Variants in MAP2 observed in about 807,000 individuals in gnomAD.
MAP2 encodes microtubule-associated protein 2.
MAP2 carries 14 observed loss-of-function variants against 137.6 expected under a neutral mutation model. The ratio of observed to expected loss-of-function variants is 0.10; its 90% CI spans 0.07 to 0.16. The LOEUF (loss-of-function observed/expected upper bound fraction) is 0.16, where lower values mean the gene tolerates loss of function less well. Among genes scored for constraint, MAP2 ranks in the 10% least tolerant of loss-of-function variants. The pLI, the probability that MAP2 is intolerant of heterozygous loss-of-function variation, is 1.00. For missense variants in MAP2, 2,088 were observed against 2,191.5 expected (o/e 0.95, Z 0.94); for synonymous variants, 786 against 782.3 (o/e 1.00, Z -0.08).
chr2:209,592,787 A>G (rs918873927), intron 3 of MAP2, among the ~76,000 whole-genome samples: 4 of 152,020 alleles, frequency 2.6e-5, no homozygotes, highest in African/African-American at 9.7e-5. Flanking sequence ...CAATCAGACT[A>G]TTTTTAATGA....
chr2:209,726,796 T>A (rs1559678180), intron 14 of MAP2, among the ~76,000 whole-genome samples: 2 of 152,144 alleles, frequency 1.3e-5, no homozygotes, highest in African/African-American at 4.8e-5. Context: ...AGATATGTAA[T>A]AAAAGATGAC....
At chr2:209,525,441 GA>G in intron 2 of MAP2, among the ~76,000 whole-genome samples, 1 of 152,228 alleles carries the variant, frequency 6.6e-6, no homozygotes, top group East Asian at 1.9e-4. Flanking sequence ...ATTTTCATGT[GA>G]AAAATTTTCC....
intron 7 of MAP2, among the ~76,000 whole-genome samples, chr2:209,689,863 G>A (rs1288752636): frequency 6.6e-6 from 1 of 152,072 alleles, no homozygotes; most frequent in East Asian, 1.9e-4. Context: ...ATTTAACCTT[G>A]ACCTTGTTTT....
intron 2 of MAP2, among the ~76,000 whole-genome samples, chr2:209,544,155 C>A (rs1179207210): frequency 6.6e-6 from 1 of 151,874 alleles, no homozygotes; most frequent in Non-Finnish European, 1.5e-5. Context: ...ATGGCGTGAA[C>A]CTGGGAGGTG....
At chr2:209,652,028 A>G (rs1029316005) in intron 4 of MAP2, among the ~76,000 whole-genome samples, 2 of 152,180 alleles carry the variant, frequency 1.3e-5, no homozygotes, top group Non-Finnish European at 2.9e-5. Flanking sequence ...CTTAGTTTCC[A>G]TCAAAGACAG....
In MAP2 at chr2:209,479,850, C is replaced by T. The variant is rs180732222; in HGVS notation, c.-221-27742C>T. ...CTTCAGCCTTAGCAGATATAATAGC[C>T]GAACATTTCAACTGTTTTCAAATTA... On this transcript the variant is annotated intron_variant, in intron 1 of 15. Transcript: ENST00000682079. 4.1e-3 allele frequency among the ~76,000 whole-genome samples: 620 copies of T among 152,092 alleles called. 3 individuals are homozygous for T. Among genetic ancestry groups the T allele is most frequent in the African/African-American group, 0.014 (581 of 41,540 alleles).
At chr2:209,502,299 G>C (rs1358385706) in intron 1 of MAP2, among the ~76,000 whole-genome samples, 1 of 152,152 alleles carries the variant, frequency 6.6e-6, no homozygotes, top group Non-Finnish European at 1.5e-5. Flanking sequence ...CCGCTTCTAT[G>C]AGTTCAGCTT....
intron 2 of MAP2, among the ~76,000 whole-genome samples, chr2:209,517,252 G>A (rs2062645911): frequency 1.3e-5 from 2 of 151,942 alleles, no homozygotes; most frequent in African/African-American, 4.8e-5. Context: ...TCTTTTTGGT[G>A]ATCACTGAAG....
chr2:209,498,203 C>A (rs899115122), intron 1 of MAP2, among the ~76,000 whole-genome samples: 6 of 152,210 alleles, frequency 3.9e-5, no homozygotes, highest in Non-Finnish European at 8.8e-5. Flanking sequence ...AGTTCAAAAC[C>A]TAGCAGGGAC....
chr2:209,636,129 C>T (rs1308838262), intron 4 of MAP2, among the ~76,000 whole-genome samples: 1 of 152,122 alleles, frequency 6.6e-6, no homozygotes, highest in Non-Finnish European at 1.5e-5. Context: ...GTACCATGTG[C>T]TCAGTAATTA....
intron 1 of MAP2, among the ~76,000 whole-genome samples, chr2:209,425,837 T>C (rs1574455918): frequency 1.3e-5 from 2 of 152,224 alleles, no homozygotes; most frequent in African/African-American, 4.8e-5. Context: ...CTTTTAATTT[T>C]ATGCCCAGGG....
At chr2:209,430,088 C>T (rs1693838733) in intron 1 of MAP2, among the ~76,000 whole-genome samples, 1 of 151,012 alleles carries the variant, frequency 6.6e-6, no homozygotes, top group Admixed American at 6.6e-5. Flanking sequence ...TGATTCACTA[C>T]GTCCTTTTGG....
chr2:209,497,702 A>G (rs1374264956), intron 1 of MAP2, among the ~76,000 whole-genome samples: 4 of 152,102 alleles, frequency 2.6e-5, no homozygotes, highest in Non-Finnish European at 4.4e-5. Flanking sequence ...GAAGCAAGCA[A>G]TGGAGAGAAC....
intron 2 of MAP2, among the ~76,000 whole-genome samples, chr2:209,568,190 T>C (rs1430355135): frequency 1.3e-5 from 2 of 151,996 alleles, no homozygotes; most frequent in African/African-American, 4.8e-5. Flanking sequence ...AAATTACATA[T>C]GTAATTCCTG....
intron 2 of MAP2, among the ~76,000 whole-genome samples, chr2:209,515,335 T>C (rs1472987413): frequency 6.6e-6 from 1 of 152,136 alleles, no homozygotes. Flanking sequence ...ATAAGTGTAT[T>C]AGTCCATTTT....
At chr2:209,478,294 C>T (rs910788466) in intron 1 of MAP2, among the ~76,000 whole-genome samples, 1 of 152,194 alleles carries the variant, frequency 6.6e-6, no homozygotes, top group African/African-American at 2.4e-5. Flanking sequence ...GCAAGTGACT[C>T]TCTGTGCCTG....
chr2:209,575,935 A>G (rs1288378273), intron 2 of MAP2, among the ~76,000 whole-genome samples: 2 of 152,194 alleles, frequency 1.3e-5, no homozygotes, highest in Non-Finnish European at 2.9e-5. Flanking sequence ...GTAGTTAGGA[A>G]AGCCCTGGTT....
intron 4 of MAP2, among the ~76,000 whole-genome samples, chr2:209,644,974 A>AT (rs1581906875): frequency 6.6e-6 from 1 of 152,166 alleles, no homozygotes; most frequent in Admixed American, 6.5e-5. Context: ...TGTCAGGGAC[A>AT]TTTTTTTCTG....
At chr2:209,651,597 T>C (rs2094803110) in intron 4 of MAP2, among the ~76,000 whole-genome samples, 1 of 152,198 alleles carries the variant, frequency 6.6e-6, no homozygotes, top group African/African-American at 2.4e-5. Context: ...CACACAATTC[T>C]TTTCACATAG....
Sources: allele counts gnomAD v4.1 joint callset (sites outside exome capture counted in the v4.1 genomes callset), GRCh38; gene constraint gnomAD v4.1.1; transcripts MANE v1.5; gene names NCBI Gene and HGNC (gene_info 2026-07-23, HGNC 2026-07-21).